The following RARRES1 variants were observed in gnomAD, a reference collection of about 807,000 sequenced individuals.
RARRES1 encodes the protein retinoic acid receptor responder protein 1.
Under a neutral mutation model 30.6 loss-of-function variants are expected in RARRES1, and 34 were observed. The ratio of observed to expected loss-of-function variants is 1.11; its 90% CI spans 0.84 to 1.48. The LOEUF (loss-of-function observed/expected upper bound fraction) is 1.48. RARRES1 is among the 40% of genes most tolerant of loss of function. The pLI, the probability that RARRES1 is intolerant of heterozygous loss-of-function variation, is 0.00. For missense variants in RARRES1, 373 were observed against 386.5 expected (o/e 0.97, Z 0.29); for synonymous variants, 153 against 155.5 (o/e 0.98, Z 0.12).
rs773607228 is a variant in RARRES1, at chr3:158,723,984, G to A, written c.276+8156C>T. 6.6e-5 allele frequency among the ~76,000 whole-genome samples: 10 copies of A among 152,172 alleles called. No homozygotes were observed. The highest frequency in any genetic ancestry group is 2.0e-4 in the Admixed American group (3 of 15,288). ...ATAGAGACATGATATAATACCTTGC[G>A]CCCTGTAGAAGCTGACCGTCTCGTT... On this transcript the variant is annotated intron_variant, in intron 1 of 5. Coordinates refer to ENST00000237696, the MANE Select transcript of RARRES1 (RefSeq NM_206963.2). This position sits in a 1 kb window ranked among gnomAD's most constrained non-coding sequence, Gnocchi z 4.4.
intron 2 of RARRES1, 68 bp downstream of exon 2, chr3:158,713,729 T>C: frequency 7.0e-7 from 1 of 1,433,116 alleles, no homozygotes; most frequent in East Asian, 2.3e-5. Flanking sequence ...ATTAAGATTC[T>C]CACTTTTTTA....
chr3:158,718,426 T>G (rs1165207729), intron 1 of RARRES1, among the ~76,000 whole-genome samples: 1 of 152,236 alleles, frequency 6.6e-6, no homozygotes, highest in African/African-American at 2.4e-5. Context: ...GAAGGCCTAC[T>G]CAAACTCATT....
At chr3:158,705,273 G>A (rs553629825) in intron 3 of RARRES1, among the ~76,000 whole-genome samples, 1 of 152,190 alleles carries the variant, frequency 6.6e-6, no homozygotes, top group South Asian at 2.1e-4. Context: ...CACCCTTCAG[G>A]CCTGAGCTGC....
At chr3:158,709,428 A>G (rs963033393) in intron 3 of RARRES1, among the ~76,000 whole-genome samples, 1 of 152,200 alleles carries the variant, frequency 6.6e-6, no homozygotes, top group African/African-American at 2.4e-5. Context: ...GCAATACTCA[A>G]TATAAACAAA....
chr3:158,731,919 G>T (rs565216767), intron 1 of RARRES1, among the ~76,000 whole-genome samples: 4 of 152,366 alleles, frequency 2.6e-5, no homozygotes, highest in Non-Finnish European at 4.4e-5. Context: ...GAAGGAACGA[G>T]CCAGATTTCT....
Position 158,697,244 on chromosome 3 carries a change from T to C in RARRES1, c.*434A>G, listed in dbSNP as rs536377098. On this transcript the variant is annotated 3_prime_UTR_variant, in exon 6 of 6. Transcript: ENST00000237696. ...CTATAATTTACTTTCATCGAAAGTA[T>C]ATTATCTTTGTTTAACATGCTAGAT... is the stretch of plus-strand genomic sequence containing the variant. 1 of 153,050 alleles carries C rather than the reference T, an allele frequency of 6.5e-6. No homozygotes were observed. The highest frequency in any genetic ancestry group is 2.4e-5 in the African/African-American group (1 of 41,596). The allele number at this position is 153,050 out of a possible 1,614,324, so 9.5% of individuals were successfully genotyped here.
At chr3:158,720,751 G>A (rs149148078) in intron 1 of RARRES1, among the ~76,000 whole-genome samples, 25 of 152,112 alleles carry the variant, frequency 1.6e-4, no homozygotes, top group African/African-American at 5.1e-4. Context: ...TCTCCGGGCC[G>A]CCTTTATCTT....
rs1727935735 is a variant in RARRES1 at position 158,732,300 on chromosome 3, C to A, written c.116G>T (p.Gly39Val). Reference sequence around the variant, plus strand: ...CCCAGGGTCGTCGGGGTCCCCGGACCCCGCGGGCGCCGCCACCGGGGCGAG... The same window carrying A: ...CCCAGGGTCGTCGGGGTCCCCGGACACCGCGGGCGCCGCCACCGGGGCGAG... The part of the protein sequence containing the change: ...LLLAPVAAPA[G>V]SGDPDDPGQP... The change falls in exon 1 of 6, where the codon GGG (glycine) becomes GTG (valine). Residue 39 changes from glycine (G) to valine (V), a missense_variant. Transcript: ENST00000237696. 1.5e-6 allele frequency: 2 copies of A among 1,344,404 alleles called. No homozygotes were observed. The highest frequency in any genetic ancestry group is 2.6e-4 in the Middle Eastern group (1 of 3,824). The allele number at this position is 1,344,404 out of a possible 1,614,324, so 83.3% of individuals were successfully genotyped here. A position where few individuals can be genotyped will look rare whatever the true frequency, so the allele number is the denominator to read the frequency against.
In RARRES1 at chr3:158,697,977, G is replaced by A. The variant is rs1309882026; in HGVS notation, c.673-7C>T. ...TTGTATCATCATTAGTTTTCTAGAGGGAGAAAAAAGAGTTAGTGTAATAAA... is the reference window on the plus strand; with the variant it reads ...TTGTATCATCATTAGTTTTCTAGAGAGAGAAAAAAGAGTTAGTGTAATAAA... On this transcript the variant is annotated splice_region_variant and splice_polypyrimidine_tract_variant and intron_variant, in intron 4 of 5. Transcript: ENST00000237696. 1 of 1,489,346 alleles carries A rather than the reference G, an allele frequency of 6.7e-7. No individual in the cohort carries two copies. Among genetic ancestry groups the A allele is most frequent in the Non-Finnish European group, 9.3e-7 (1 of 1,076,326 alleles). 92.3% of individuals were successfully genotyped at this position (1,489,346 alleles called of 1,614,324 possible).
At chr3:158,703,152 C>T (rs1726792932) in intron 4 of RARRES1, among the ~76,000 whole-genome samples, 1 of 152,196 alleles carries the variant, frequency 6.6e-6, no homozygotes. Flanking sequence ...TCGTTTTTCA[C>T]TGAGAAGACA....
intron 4 of RARRES1, chr3:158,698,205 A>C (rs1283558017): frequency 2.0e-6 from 1 of 498,804 alleles, no homozygotes; most frequent in Non-Finnish European, 3.6e-6. Context: ...TTTCTGATGG[A>C]GACCAAAGTC....
chr3:158,718,739 A>G (rs2713729), intron 1 of RARRES1, among the ~76,000 whole-genome samples: 150,346 of 152,318 alleles, frequency 0.99, 74,211 homozygotes, highest in Middle Eastern at 1. Flanking sequence ...GTGGGGCTTT[A>G]GAGGCACTCA....
At chr3:158,705,813 A>G (rs1726903284) in intron 3 of RARRES1, 1 of 152,142 alleles carries the variant, frequency 6.6e-6, no homozygotes, top group Non-Finnish European at 1.5e-5. Flanking sequence ...AATCAGGTAG[A>G]TTTTTTTCTG....
chr3:158,732,325 G>C lies in RARRES1; in HGVS notation c.91C>G (p.Leu31Val), dbSNP rs75236971. 2.9e-6 allele frequency: 4 copies of C among 1,371,918 alleles called. No individual in the cohort carries two copies. Among genetic ancestry groups the C allele is most frequent in the Non-Finnish European group, 3.7e-6 (4 of 1,072,372 alleles). 85.0% of individuals were successfully genotyped at this position (1,371,918 alleles called of 1,614,324 possible). The change falls in exon 1 of 6, where the codon CTC becomes GTC. Residue 31 changes from leucine to valine, a missense_variant. Transcript: ENST00000237696. ...TAPLLALLLL[L>V]APVAAPAGSG... ...CCCGCGGGCGCCGCCACCGGGGCGA[G>C]CAACAGCAGCAGCGCGAGCAGCGGG...
rs1024118214 is a variant in RARRES1, at chr3:158,732,287, G to C, written c.129C>G (p.Pro43=). ...PVAAPAGSGD[P]DDPGQPQDAG... The stretch of plus-strand genomic sequence containing the variant: ...CATCCTGAGGCTGCCCAGGGTCGTC[G>C]GGGTCCCCGGACCCCGCGGGCGCCG... The change falls in exon 1 of 6, where the codon CCC becomes CCG. Residue 43 remains proline, a synonymous_variant. Coordinates refer to ENST00000237696, the MANE Select transcript of RARRES1 (RefSeq NM_206963.2). 2 of 1,348,936 alleles carry C rather than the reference G, an allele frequency of 1.5e-6. No homozygotes were observed. Among genetic ancestry groups the C allele is most frequent in the Non-Finnish European group, 9.4e-7 (1 of 1,060,328 alleles). The allele number at this position is 1,348,936 out of a possible 1,614,324, so 83.6% of individuals were successfully genotyped here. A position where few individuals can be genotyped will look rare whatever the true frequency, so the allele number is the denominator to read the frequency against.
At chr3:158,697,993 G>C (rs747734896) in intron 4 of RARRES1, 23 bp from the exon 5 acceptor site, 1 of 1,448,424 alleles carries the variant, frequency 6.9e-7, no homozygotes, top group Non-Finnish European at 9.6e-7. Context: ...AAAAGAGTTA[G>C]TGTAATAAAT....
chr3:158,710,716 A>C (rs1323553278), intron 3 of RARRES1, 22 bp downstream of exon 3: 1 of 1,558,382 alleles, frequency 6.4e-7, no homozygotes, highest in African/African-American at 1.4e-5. Flanking sequence ...TGAATATAGA[A>C]ATTCCAAATG....
chr3:158,715,023 C>G (rs1727277747), intron 1 of RARRES1, among the ~76,000 whole-genome samples: 1 of 152,174 alleles, frequency 6.6e-6, no homozygotes, highest in Non-Finnish European at 1.5e-5. Flanking sequence ...TGTACATGTA[C>G]AGATGTTGCT....
At chr3:158,718,406 A>T (rs1727394302) in intron 1 of RARRES1, among the ~76,000 whole-genome samples, 1 of 152,254 alleles carries the variant, frequency 6.6e-6, no homozygotes, top group South Asian at 2.1e-4. Context: ...AAGTATGCTA[A>T]CAAAGCTCTG....
Sources: gnomAD v4.1 joint callset for allele counts (sites outside exome capture counted in the v4.1 genomes callset) on GRCh38, gnomAD v4.1.1 for gene constraint, Gnocchi (gnomAD v3.1) non-coding constraint, MANE v1.5 for transcripts, NCBI Gene and HGNC (gene_info 2026-07-23, HGNC 2026-07-21) for gene names.